The following ABHD6 variants were observed in gnomAD, a reference collection of about 807,000 sequenced individuals.
The protein encoded by ABHD6 is monoacylglycerol lipase ABHD6.
A neutral mutation model predicts 38.8 loss-of-function variants in ABHD6; 33 were observed. That is an observed-to-expected ratio of 0.85 (90% CI 0.64 to 1.14). ABHD6 has a LOEUF of 1.14. Among genes scored for constraint, ABHD6 ranks in the 50% most tolerant of loss-of-function variants. The pLI is 0.00. For synonymous variants in ABHD6, 147 were observed against 161.6 expected (o/e 0.91, Z 0.69); for missense variants, 380 against 422.6 (o/e 0.90, Z 0.88).
rs545712124 is a variant in ABHD6, at chr3:58,263,803, G to A, written c.120-3386G>A. ...ATGATTATAAAAACGTAACCCATTCGAGCCCCACTCCCAGTACCAAAAATA... is the reference window on the plus strand; with the variant it reads ...ATGATTATAAAAACGTAACCCATTCAAGCCCCACTCCCAGTACCAAAAATA... On this transcript the variant is annotated intron_variant, in intron 3 of 9. Transcript: ENST00000478253. This position sits in a 1 kb window ranked among gnomAD's most constrained non-coding sequence, Gnocchi z 4.9. Among the ~76,000 whole-genome samples the A allele has an allele frequency of 1.5e-4, 23 of 152,166 alleles. No homozygotes were observed. The South Asian group carries it at 4.4e-3, about 29-fold the overall frequency.
At chr3:58,286,876 G>GTGTATA (rs1559784545) in intron 9 of ABHD6, among the ~76,000 whole-genome samples, 15 of 42,034 alleles carry the variant, frequency 3.6e-4, no homozygotes, top group South Asian at 1.1e-3. Flanking sequence ...ATATGTATAT[G>GTGTATA]TATATATAAG....
chr3:58,281,393 C>T (rs1047049238), intron 7 of ABHD6, among the ~76,000 whole-genome samples: 4 of 152,188 alleles, frequency 2.6e-5, no homozygotes, highest in Non-Finnish European at 5.9e-5. Context: ...GGCCTGGGAC[C>T]CACCGAGCCA....
chr3:58,271,518 C>T (rs2097444841), intron 6 of ABHD6, among the ~76,000 whole-genome samples: 1 of 151,936 alleles, frequency 6.6e-6, no homozygotes, highest in African/African-American at 2.4e-5. Flanking sequence ...TAATTATGCC[C>T]CTCTCCTTTT....
At chr3:58,289,911 G>A (rs1243057055) in intron 9 of ABHD6, among the ~76,000 whole-genome samples, 9 of 143,446 alleles carry the variant, frequency 6.3e-5, no homozygotes, top group East Asian at 2.1e-4. Context: ...GCCGGGCAGA[G>A]GGGCTCCTCA....
chr3:58,280,887 G>T (rs565704637), intron 7 of ABHD6, among the ~76,000 whole-genome samples: 3 of 152,140 alleles, frequency 2.0e-5, no homozygotes, highest in Non-Finnish European at 4.4e-5. Flanking sequence ...CTGGAGGTCC[G>T]CTCCAGACCC....
intron 2 of ABHD6, among the ~76,000 whole-genome samples, chr3:58,253,112 C>T (rs193008878): frequency 6.6e-5 from 10 of 151,886 alleles, no homozygotes; most frequent in Admixed American, 3.9e-4. Flanking sequence ...GAGGCAGATG[C>T]GACCTTCGCT....
At chr3:58,254,818 A>T (rs1286493213) in intron 2 of ABHD6, among the ~76,000 whole-genome samples, 1 of 146,832 alleles carries the variant, frequency 6.8e-6, no homozygotes, top group Non-Finnish European at 1.5e-5. Flanking sequence ...ATACTTTATG[A>T]TATATATGTG....
At chr3:58,240,194 T>C (rs1203900963) in intron 1 of ABHD6, among the ~76,000 whole-genome samples, 1 of 152,026 alleles carries the variant, frequency 6.6e-6, no homozygotes, top group Non-Finnish European at 1.5e-5. Context: ...TTTATCCTAG[T>C]AGGCTAGCTA....
intron 7 of ABHD6, among the ~76,000 whole-genome samples, chr3:58,282,330 C>G (rs945927810): frequency 6.6e-6 from 1 of 150,900 alleles, no homozygotes; most frequent in African/African-American, 2.4e-5. Context: ...GTGGTGTAGA[C>G]TAGGATGGTA....
chr3:58,281,710 C>A (rs561582668), intron 7 of ABHD6, among the ~76,000 whole-genome samples: 2 of 152,360 alleles, frequency 1.3e-5, no homozygotes, highest in African/African-American at 2.4e-5. Flanking sequence ...GGAGCTGTTC[C>A]TATTCGGCCA....
chr3:58,262,975 C>T (rs760959689), intron 3 of ABHD6, among the ~76,000 whole-genome samples: 12 of 151,956 alleles, frequency 7.9e-5, no homozygotes, highest in Non-Finnish European at 1.5e-4. Context: ...TTTGGAAGGC[C>T]GAGGTGGGTA....
intron 3 of ABHD6, among the ~76,000 whole-genome samples, chr3:58,264,415 A>ATG: frequency 7.1e-6 from 1 of 141,138 alleles, no homozygotes. Flanking sequence ...ACACACACAC[A>ATG]CACACACACA....
At chr3:58,274,854 G>A (rs370052683) in intron 7 of ABHD6, 39 bp downstream of exon 7, 6 of 1,601,308 alleles carry the variant, frequency 3.7e-6, no homozygotes, top group Admixed American at 1.7e-5. Context: ...ACCCTCCCCA[G>A]AGGCCCGGGG....
At chr3:58,275,339 T>TG in intron 7 of ABHD6, among the ~76,000 whole-genome samples, 1 of 121,166 alleles carries the variant, frequency 8.3e-6, no homozygotes, top group African/African-American at 3.7e-5. Flanking sequence ...TCTTTTTTTT[T>TG]TTTTTTTCCA....
intron 3 of ABHD6, among the ~76,000 whole-genome samples, chr3:58,264,499 G>A (rs977351134): frequency 1.3e-5 from 2 of 151,230 alleles, no homozygotes; most frequent in African/African-American, 4.9e-5. Context: ...AGACCAGCCC[G>A]GGCAATACAG....
rs1446369729 is a variant in ABHD6, at chr3:58,266,397, T to A, written c.120-792T>A. Among the ~76,000 whole-genome samples the A allele has an allele frequency of 3.3e-5, 5 of 150,448 alleles. No homozygotes were observed. Among genetic ancestry groups the A allele is most frequent in the African/African-American group, 1.2e-4 (5 of 40,756 alleles). ...AGGTGGAGGTTGCAGTGAGCGGAAA[T>A]TGCCCCAGCGTGGGTGACAGAGCGA... is the stretch of plus-strand genomic sequence containing the variant. On this transcript the variant is annotated intron_variant, in intron 3 of 9. Coordinates refer to ENST00000478253, the MANE Select transcript of ABHD6 (RefSeq NM_001320126.2). This position sits in a 1 kb window ranked among gnomAD's most constrained non-coding sequence, Gnocchi z 4.0.
chr3:58,274,834 C>G lies in ABHD6; in HGVS notation c.681+19C>G, dbSNP rs1321851309. 3.1e-6 allele frequency: 5 copies of G among 1,611,018 alleles called. No individual in the cohort carries two copies. The highest frequency in any genetic ancestry group is 4.2e-6 in the Non-Finnish European group (5 of 1,178,306). On this transcript the variant is annotated intron_variant, in intron 7 of 9. Coordinates refer to ENST00000478253, the MANE Select transcript of ABHD6 (RefSeq NM_001320126.2). ...CCAGCAGGTAACGTGGTTGCAGCAG[C>G]GACACAACTACCCTCCCCAGAGGCC... is the stretch of plus-strand genomic sequence containing the variant.
intron 9 of ABHD6, among the ~76,000 whole-genome samples, chr3:58,290,487 C>T (rs2097461544): frequency 2.3e-5 from 3 of 132,320 alleles, no homozygotes; most frequent in Admixed American, 7.2e-5. Context: ...CCCCACCTCC[C>T]TCCCGGACGG....
intron 7 of ABHD6, 32 bp downstream of exon 7, chr3:58,274,847 C>T (rs768071557): frequency 1.9e-6 from 3 of 1,607,100 alleles, no homozygotes; most frequent in Admixed American, 1.7e-5. Flanking sequence ...CACAACTACC[C>T]TCCCCAGAGG....
Sources: allele counts gnomAD v4.1 joint callset (sites outside exome capture counted in the v4.1 genomes callset), GRCh38; gene constraint gnomAD v4.1.1; non-coding constraint Gnocchi (gnomAD v3.1); transcripts MANE v1.5; gene names NCBI Gene and HGNC (gene_info 2026-07-23, HGNC 2026-07-21).